Variants in EDRF1 observed in about 807,000 individuals in gnomAD.
EDRF1 encodes the protein erythroid differentiation regulatory factor 1, also known as erythroid differentiation-related factor 1.
A neutral mutation model predicts 148.7 loss-of-function variants in EDRF1; 69 were observed. The observed-to-expected ratio is 0.46, with a 90% CI of 0.38 to 0.57. The LOEUF is 0.57. Among genes scored for constraint, EDRF1 ranks in the 20% least tolerant of loss-of-function variants. EDRF1 has a pLI of 0.00. For missense variants in EDRF1, 1,118 were observed against 1,478.7 expected (o/e 0.76, Z 4.00); for synonymous variants, 515 against 532.8 (o/e 0.97, Z 0.46).
intron 3 of EDRF1, 74 bp downstream of exon 3, chr10:125,723,208 G>A: frequency 7.7e-7 from 1 of 1,304,314 alleles, no homozygotes; most frequent in Non-Finnish European, 1.1e-6. Context: ...GCTGTGTTTT[G>A]CATAATATAA....
At chr10:125,731,602 T>G (rs1433479743) in intron 9 of EDRF1, among the ~76,000 whole-genome samples, 1 of 152,184 alleles carries the variant, frequency 6.6e-6, no homozygotes, top group African/African-American at 2.4e-5. Context: ...TAATCTGGAA[T>G]CAGAAGGCTT....
chr10:125,739,496 A>G (rs1219119164), intron 15 of EDRF1, among the ~76,000 whole-genome samples: 4 of 152,216 alleles, frequency 2.6e-5, no homozygotes, highest in Non-Finnish European at 5.9e-5. Context: ...CCAGCATTAA[A>G]TGGTTTTACA....
In EDRF1 at chr10:125,735,639, A is replaced by G. The variant is rs1848689600; in HGVS notation, c.1498-5A>G. On this transcript the variant is annotated splice_polypyrimidine_tract_variant and splice_region_variant and intron_variant, in intron 12 of 24. Coordinates refer to ENST00000356792, the MANE Select transcript of EDRF1 (RefSeq NM_001202438.2). ...ATTTACACATATTTCTCTCTTTTTC[A>G]TAAGATTATTGCTTCCGCCAATTAC... 1 of 1,611,954 alleles carries G rather than the reference A, an allele frequency of 6.2e-7. No homozygotes were observed. Among genetic ancestry groups the G allele is most frequent in the African/African-American group, 1.3e-5 (1 of 74,978 alleles).
chr10:125,739,540 T>G lies in EDRF1; in HGVS notation c.1982-923T>G, dbSNP rs377179627. The stretch of plus-strand genomic sequence containing the variant: ...CACACACACGGTTGTGAACAAGAAC[T>G]TCATCTTAATTTTAGTTTCTCACAA... On this transcript the variant is annotated intron_variant, in intron 15 of 24. Coordinates refer to ENST00000356792, the MANE Select transcript of EDRF1 (RefSeq NM_001202438.2). Among the ~76,000 whole-genome samples the G allele has an allele frequency of 3.9e-5, 6 of 152,176 alleles. No individual in the cohort carries two copies. The South Asian group carries it at 8.3e-4, about 21-fold the overall frequency.
At position 125,729,396 on chromosome 10, in the gene EDRF1, A is replaced by G. The variant is rs764798733; in HGVS notation, c.933A>G (p.Thr311=). The G allele has an allele frequency of 4.3e-6, 7 of 1,613,826 alleles. No individual in the cohort carries two copies. Among genetic ancestry groups the G allele is most frequent in the East Asian group, 4.5e-5 (2 of 44,886 alleles). The part of the protein sequence containing the change: ...KNDFVRNILW[T]FEDIHMLVGS... ...ATTTTGTTCGGAATATTCTATGGACATTTGAAGATATCCATATGTTGGTCG... is the reference window on the plus strand; with the variant it reads ...ATTTTGTTCGGAATATTCTATGGACGTTTGAAGATATCCATATGTTGGTCG... The change falls in exon 8 of 25, where the codon ACA becomes ACG. Residue 311 remains threonine (T), a synonymous_variant. Coordinates refer to ENST00000356792, the MANE Select transcript of EDRF1 (RefSeq NM_001202438.2).
intron 5 of EDRF1, 113 bp from the exon 6 acceptor site, chr10:125,725,569 C>CT: frequency 1.3e-6 from 2 of 1,566,358 alleles, no homozygotes; most frequent in Non-Finnish European, 1.7e-6. Flanking sequence ...TTTCATATTT[C>CT]TTTTTTACAA....
Position 125,740,685 on chromosome 10 carries a change from A to G in EDRF1, c.2170+34A>G, listed in dbSNP as rs758862714. On this transcript the variant is annotated intron_variant, in intron 16 of 24. Transcript: ENST00000356792. ...CTATAAATGAATATGTTTAATAGGCACTGGGAAGAGAGAACAGAGAAGGCA... is the reference window on the plus strand; with the variant it reads ...CTATAAATGAATATGTTTAATAGGCGCTGGGAAGAGAGAACAGAGAAGGCA... The G allele has an allele frequency of 4.4e-6, 7 of 1,598,466 alleles. No individual in the cohort carries two copies. In the South Asian group the frequency reaches 7.7e-5, roughly 18 times the overall value.
intron 2 of EDRF1, among the ~76,000 whole-genome samples, chr10:125,721,886 G>A (rs1279935036): frequency 6.6e-6 from 1 of 152,196 alleles, no homozygotes; most frequent in East Asian, 1.9e-4. Flanking sequence ...AGAACTGATG[G>A]TGTTCAAAGT....
At chr10:125,734,434 A>G (rs1848632876) in intron 12 of EDRF1, among the ~76,000 whole-genome samples, 1 of 152,160 alleles carries the variant, frequency 6.6e-6, no homozygotes, top group Non-Finnish European at 1.5e-5. Flanking sequence ...GCAATATTAC[A>G]TATATTGGAT....
At chr10:125,738,717 T>C (rs2133711624) in intron 15 of EDRF1, among the ~76,000 whole-genome samples, 1 of 152,380 alleles carries the variant, frequency 6.6e-6, no homozygotes, top group Non-Finnish European at 1.5e-5. Context: ...GAGTTCTCGC[T>C]GGATCGTGTA....
At chr10:125,722,051 A>G (rs906290375) in intron 2 of EDRF1, among the ~76,000 whole-genome samples, 4 of 151,240 alleles carry the variant, frequency 2.6e-5, no homozygotes, top group Admixed American at 2.0e-4. Flanking sequence ...CAAATACACT[A>G]ATACTTTATG....
In EDRF1 at chr10:125,744,493, G is replaced by A. The variant is rs1335913299; in HGVS notation, c.2591-1214G>A. On this transcript the variant is annotated intron_variant, in intron 18 of 24. Transcript: ENST00000356792. ...GCCACTGCACCCAGCCTGTGTGCCTGTTGATCTGTGAATAATGCTTGGCAC... is the reference window on the plus strand; with the variant it reads ...GCCACTGCACCCAGCCTGTGTGCCTATTGATCTGTGAATAATGCTTGGCAC... Among the ~76,000 whole-genome samples the A allele has an allele frequency of 2.0e-5, 3 of 152,324 alleles. No homozygotes were observed. In the East Asian group the frequency reaches 5.8e-4, roughly 29 times the overall value.
At chr10:125,758,961 C>G (rs746391315) in intron 24 of EDRF1, among the ~76,000 whole-genome samples, 1 of 152,102 alleles carries the variant, frequency 6.6e-6, no homozygotes, top group Admixed American at 6.6e-5. Flanking sequence ...CTTTAACCAA[C>G]GCCCTAAGGT....
chr10:125,742,041 A>G (rs187430710), intron 17 of EDRF1, among the ~76,000 whole-genome samples: 207 of 152,274 alleles, frequency 1.4e-3, no homozygotes, highest in African/African-American at 4.6e-3. Context: ...CTTCTAGGTA[A>G]CACTTGTAGT....
At chr10:125,761,246 C>T (rs1276229110) in intron 24 of EDRF1, 5 of 406,996 alleles carry the variant, frequency 1.2e-5, no homozygotes, top group South Asian at 9.6e-5. Context: ...GGCATTTCAT[C>T]ATCATATGAC....
chr10:125,743,012 A>T, intron 17 of EDRF1, 46 bp from the exon 18 acceptor site: 1 of 1,604,184 alleles, frequency 6.2e-7, no homozygotes, highest in Non-Finnish European at 8.5e-7. Flanking sequence ...ACTGAGGAAG[A>T]AGGAATCACA....
chr10:125,725,203 A>G (rs1359322244), intron 4 of EDRF1, 115 bp from the exon 5 acceptor site: 2 of 1,209,958 alleles, frequency 1.7e-6, no homozygotes, highest in South Asian at 1.3e-5. Context: ...TTTAATGAGT[A>G]TGTGTTTATG....
intron 21 of EDRF1, 177 bp downstream of exon 21, chr10:125,748,189 TC>T: frequency 1.4e-6 from 1 of 733,408 alleles, no homozygotes; most frequent in Non-Finnish European, 2.3e-6. Flanking sequence ...AAACAATATG[TC>T]CGCATTGTGC....
chr10:125,725,537 CCT>C, intron 5 of EDRF1, 95 bp downstream of exon 5: 1 of 1,573,836 alleles, frequency 6.4e-7, no homozygotes. Context: ...AAGTTTTGCC[CCT>C]GTGATACTGT....
Sources: allele counts gnomAD v4.1 joint callset (sites outside exome capture counted in the v4.1 genomes callset), GRCh38; gene constraint gnomAD v4.1.1; transcripts MANE v1.5; gene names NCBI Gene and HGNC (gene_info 2026-07-23, HGNC 2026-07-21).